KIF5C: variants seen among roughly 807,000 people sequenced by gnomAD.
KIF5C encodes kinesin heavy chain isoform 5C.
Under a neutral mutation model 125.2 loss-of-function variants are expected in KIF5C, and 18 were observed. The ratio of observed to expected loss-of-function variants is 0.14; its 90% CI spans 0.10 to 0.21. The LOEUF is 0.21. Ranked by LOEUF, KIF5C falls within the 10% of genes least tolerant of loss-of-function variation. KIF5C has a pLI of 1.00. For missense variants in KIF5C, 780 were observed against 1,183.8 expected (o/e 0.66, Z 5.01); for synonymous variants, 405 against 434.0 (o/e 0.93, Z 0.83).
intron 1 of KIF5C, chr2:148,884,463 A>G (rs965493323): frequency 1.3e-5 from 2 of 152,186 alleles, no homozygotes; most frequent in Admixed American, 6.5e-5. Flanking sequence ...AATTTATTAT[A>G]TAAAATTTCA....
chr2:148,891,848 C>T (rs1464629334), intron 1 of KIF5C, among the ~76,000 whole-genome samples: 1 of 152,106 alleles, frequency 6.6e-6, no homozygotes, highest in Non-Finnish European at 1.5e-5. Flanking sequence ...CAGGCATGCA[C>T]CACCATGCCT....
chr2:148,959,662 T>C (rs1682878927), intron 10 of KIF5C, among the ~76,000 whole-genome samples: 1 of 152,184 alleles, frequency 6.6e-6, no homozygotes, highest in Non-Finnish European at 1.5e-5. Flanking sequence ...TAGCTACTCC[T>C]CTGGATCTTT....
intron 15 of KIF5C, among the ~76,000 whole-genome samples, chr2:148,985,707 G>A (rs1367578715): frequency 6.6e-6 from 1 of 152,146 alleles, no homozygotes; most frequent in African/African-American, 2.4e-5. Context: ...GCTTAGTGGG[G>A]ACACTCAGGT....
chr2:148,950,293 AC>A lies in KIF5C; in HGVS notation c.820-20del. Reference sequence around the variant, plus strand: ...CTCAGAATGGGCTGTCAAAACCAATACTTTTTCTTTTCCTAAATAGAAAACA... The same window carrying A: ...CTCAGAATGGGCTGTCAAAACCAATATTTTTCTTTTCCTAAATAGAAAACA... On this transcript the variant is annotated intron_variant, in intron 9 of 25. Coordinates refer to ENST00000435030, the MANE Select transcript of KIF5C (RefSeq NM_004522.3). 1 of 1,610,752 alleles carries A rather than the reference AC, an allele frequency of 6.2e-7. No homozygotes were observed. Among genetic ancestry groups the A allele is most frequent in the Non-Finnish European group, 8.5e-7 (1 of 1,177,598 alleles).
In KIF5C at chr2:149,024,079, A is replaced by G. The variant is rs1682612128; in HGVS notation, c.*1009A>G. ...CTTGTGTATGAGTAAGTTGCCATGA[A>G]TAAGTTATTATTTTAACCCATAATT... On this transcript the variant is annotated 3_prime_UTR_variant, in exon 26 of 26. Transcript: ENST00000435030. 6.6e-6 allele frequency: 1 copy of G among 152,372 alleles called. No individual in the cohort carries two copies. The allele number at this position is 152,372 out of a possible 1,614,324, so 9.4% of individuals were successfully genotyped here.
At chr2:149,016,269 C>T (rs898147794) in intron 25 of KIF5C, among the ~76,000 whole-genome samples, 2 of 151,974 alleles carry the variant, frequency 1.3e-5, no homozygotes, top group Admixed American at 6.6e-5. Flanking sequence ...GGGCTGTGGG[C>T]GTGGAAGCAG....
chr2:148,979,050 T>C (rs1681160305), intron 13 of KIF5C, 60 bp downstream of exon 13: 2 of 1,447,138 alleles, frequency 1.4e-6, no homozygotes, highest in East Asian at 2.6e-5. Flanking sequence ...TTGTTGTTGA[T>C]GTTTGTTCCA....
chr2:148,983,801 T>G (rs747006681), intron 15 of KIF5C, 35 bp downstream of exon 15: 2 of 1,556,306 alleles, frequency 1.3e-6, no homozygotes, highest in Admixed American at 3.7e-5. Context: ...CTCTACCTGC[T>G]CCTGTCAAGT....
intron 4 of KIF5C, among the ~76,000 whole-genome samples, chr2:148,938,183 T>TTG (rs1682332368): frequency 1.7e-5 from 2 of 114,838 alleles, no homozygotes; most frequent in African/African-American, 9.4e-5. Flanking sequence ...GAGGATATTG[T>TTG]TTATAAGATA....
intron 10 of KIF5C, among the ~76,000 whole-genome samples, chr2:148,955,537 C>T (rs995623854): frequency 1.3e-5 from 2 of 151,940 alleles, no homozygotes; most frequent in African/African-American, 4.8e-5. Context: ...TTGCCAGCCC[C>T]CATAGTCATG....
rs1198469203 is a variant in KIF5C, at chr2:148,935,188, TG to T, written c.292-2095del. Reference sequence around the variant, plus strand: ...AGTGTCCTAGATTCATCTCTCGTTCTGCCTTGGTTCTTGCCCTGACAAAGGC... The same window carrying T: ...AGTGTCCTAGATTCATCTCTCGTTCTCCTTGGTTCTTGCCCTGACAAAGGC... On this transcript the variant is annotated intron_variant, in intron 3 of 25. Transcript: ENST00000435030. 4.0e-5 allele frequency: 8 copies of T among 200,948 alleles called. No individual in the cohort carries two copies. The Admixed American group carries it at 4.6e-4, about 12-fold the overall frequency. The allele number at this position is 200,948 out of a possible 1,614,324, so 12.4% of individuals were successfully genotyped here.
At chr2:148,992,834 G>T (rs1681562187) in intron 16 of KIF5C, among the ~76,000 whole-genome samples, 1 of 152,152 alleles carries the variant, frequency 6.6e-6, no homozygotes, top group African/African-American at 2.4e-5. Flanking sequence ...TATGCATTAG[G>T]CAACAGTGTA....
chr2:148,929,552 A>G (rs577186193), intron 3 of KIF5C, among the ~76,000 whole-genome samples, 198 bp downstream of exon 3: 2 of 152,240 alleles, frequency 1.3e-5, no homozygotes, highest in African/African-American at 2.4e-5. Context: ...TTTAAAAAGT[A>G]CTTTATTGAT....
intron 14 of KIF5C, among the ~76,000 whole-genome samples, chr2:148,982,235 T>A (rs1201331271): frequency 1.3e-5 from 2 of 152,208 alleles, no homozygotes; most frequent in African/African-American, 4.8e-5. Context: ...GCCTGCACAT[T>A]CCCTTATTTC....
At chr2:149,014,068 A>G (rs1682289691) in intron 25 of KIF5C, among the ~76,000 whole-genome samples, 1 of 152,226 alleles carries the variant, frequency 6.6e-6, no homozygotes, top group African/African-American at 2.4e-5. Flanking sequence ...CTTGTTGCCC[A>G]GGCTGGAGTG....
intron 10 of KIF5C, among the ~76,000 whole-genome samples, chr2:148,960,722 C>T (rs1682905695): frequency 6.6e-6 from 1 of 152,198 alleles, no homozygotes; most frequent in Non-Finnish European, 1.5e-5. Context: ...GAATTTCTTG[C>T]ACTGAAATAG....
At chr2:148,980,341 T>G (rs1681197344) in intron 13 of KIF5C, among the ~76,000 whole-genome samples, 1 of 152,196 alleles carries the variant, frequency 6.6e-6, no homozygotes, top group South Asian at 2.1e-4. Context: ...TGGGATAAAC[T>G]TTACTTCTTG....
chr2:148,972,921 A>G (rs1680957722), intron 11 of KIF5C, among the ~76,000 whole-genome samples: 1 of 152,220 alleles, frequency 6.6e-6, no homozygotes, highest in South Asian at 2.1e-4. Context: ...TATTAATGAA[A>G]CAGTGACATA....
In KIF5C at chr2:148,906,541, G is replaced by A. The variant is rs571544125; in HGVS notation, c.127-15596G>A. ...TTGAGACCAGCCTGGGCAACATAGT[G>A]AGAACCCCATCTCTAAAAATAAAAT... On this transcript the variant is annotated intron_variant, in intron 1 of 25. Transcript: ENST00000435030. 1.4e-4 allele frequency among the ~76,000 whole-genome samples: 21 copies of A among 151,776 alleles called. No individual in the cohort carries two copies. The South Asian group carries it at 4.0e-3, about 29-fold the overall frequency.
Sources: allele counts gnomAD v4.1 joint callset (sites outside exome capture counted in the v4.1 genomes callset), GRCh38; gene constraint gnomAD v4.1.1; transcripts MANE v1.5; gene names NCBI Gene and HGNC (gene_info 2026-07-23, HGNC 2026-07-21).